Variants in ASAP1 observed in about 807,000 individuals in gnomAD.
ASAP1 encodes the protein ArfGAP with SH3 domain, ankyrin repeat and PH domain 1.
Under a neutral mutation model 145.2 loss-of-function variants are expected in ASAP1, and 43 were observed. The observed-to-expected ratio is 0.30, with a 90% confidence interval of 0.23 to 0.38. The LOEUF is 0.38. ASAP1 is among the 10% of genes least tolerant of loss of function. ASAP1 has a pLI of 1.00. For missense variants in ASAP1, 1,018 were observed against 1,355.3 expected (o/e 0.75, Z 3.91); for synonymous variants, 546 against 515.5 (o/e 1.06, Z -0.80).
At chr8:130,204,559 T>G (rs1391917078) in intron 5 of ASAP1, among the ~76,000 whole-genome samples, 1 of 152,156 alleles carries the variant, frequency 6.6e-6, no homozygotes, top group Non-Finnish European at 1.5e-5. Flanking sequence ...CTGCAGCTCC[T>G]GCTCCCTCCC....
intron 3 of ASAP1, among the ~76,000 whole-genome samples, chr8:130,263,597 G>T (rs369194714): frequency 2.0e-5 from 3 of 152,164 alleles, no homozygotes; most frequent in African/African-American, 7.2e-5. Context: ...CACTTAGGGA[G>T]CCTAACTGAA....
chr8:130,070,867 G>A (rs1592731722), intron 27 of ASAP1, among the ~76,000 whole-genome samples: 1 of 3,652 alleles, frequency 2.7e-4, no homozygotes, highest in South Asian at 0.012. Flanking sequence ...GGGAGAGAGG[G>A]AGAGAGAGGG....
At chr8:130,177,004 T>C (rs1035392150) in intron 9 of ASAP1, among the ~76,000 whole-genome samples, 14 of 152,190 alleles carry the variant, frequency 9.2e-5, no homozygotes, top group African/African-American at 3.4e-4. Flanking sequence ...CTCTTCCTCT[T>C]GATGCTCCAT....
intron 14 of ASAP1, among the ~76,000 whole-genome samples, chr8:130,135,344 C>T (rs1317674077): frequency 1.3e-5 from 2 of 151,972 alleles, no homozygotes; most frequent in Non-Finnish European, 2.9e-5. Flanking sequence ...AAAAATCAGC[C>T]AGATGTGGTG....
intron 20 of ASAP1, 65 bp downstream of exon 20, chr8:130,118,096 G>C (rs2097559334): frequency 7.2e-7 from 1 of 1,379,340 alleles, no homozygotes; most frequent in African/African-American, 1.4e-5. Flanking sequence ...GCCACTGATA[G>C]GACTGGTTTG....
chr8:130,240,734 A>G (rs1179068439), intron 3 of ASAP1, among the ~76,000 whole-genome samples: 1 of 152,186 alleles, frequency 6.6e-6, no homozygotes, highest in Non-Finnish European at 1.5e-5. Context: ...GCATTATTAC[A>G]TTCTCTTTAA....
rs375340242 is a variant in ASAP1, at chr8:130,063,814, G to T, written c.2702-2745C>A. Among the ~76,000 whole-genome samples, 5 of 152,292 alleles carry T rather than the reference G, an allele frequency of 3.3e-5. No homozygotes were observed. In the East Asian group the frequency reaches 5.8e-4, roughly 18 times the overall value. On this transcript the variant is annotated intron_variant, in intron 27 of 29. Coordinates refer to ENST00000518721, the MANE Select transcript of ASAP1 (RefSeq NM_018482.4). ...ATTTGCTGGGCATGTGCCGTGCCCAGCACCCTTTCAGGCACTTGGGACACA... is the reference window on the plus strand; with the variant it reads ...ATTTGCTGGGCATGTGCCGTGCCCATCACCCTTTCAGGCACTTGGGACACA...
chr8:130,154,510 T>C (rs1335922497), intron 12 of ASAP1, among the ~76,000 whole-genome samples: 2 of 152,190 alleles, frequency 1.3e-5, no homozygotes, highest in African/African-American at 4.8e-5. Flanking sequence ...AGTGATTCCC[T>C]AGGCTGGAAG....
At chr8:130,200,599 G>A (rs1815806198) in intron 5 of ASAP1, among the ~76,000 whole-genome samples, 1 of 152,118 alleles carries the variant, frequency 6.6e-6, no homozygotes, top group South Asian at 2.1e-4. Context: ...TGTTTAAACA[G>A]CAAAAAGTTT....
chr8:130,138,316 A>G (rs2097600121), intron 13 of ASAP1, among the ~76,000 whole-genome samples: 1 of 152,178 alleles, frequency 6.6e-6, no homozygotes. Context: ...CCTTTGTCCC[A>G]TATCTATCTA....
chr8:130,300,113 T>TACAC (rs373589102), intron 3 of ASAP1, among the ~76,000 whole-genome samples: 4,605 of 72,296 alleles, frequency 0.064, 153 homozygotes, highest in Non-Finnish European at 0.068. Context: ...AAAAGAAAAA[T>TACAC]ACACACACAC....
intron 2 of ASAP1, among the ~76,000 whole-genome samples, chr8:130,376,943 A>G (rs1827531189): frequency 7.1e-6 from 1 of 141,558 alleles, no homozygotes; most frequent in South Asian, 2.3e-4. Context: ...CTTGCTCTCC[A>G]GTTTCACATC....
intron 3 of ASAP1, among the ~76,000 whole-genome samples, chr8:130,265,603 G>A (rs1226183326): frequency 2.6e-5 from 4 of 151,138 alleles, no homozygotes; most frequent in Non-Finnish European, 5.9e-5. Context: ...GGTCAGGTTT[G>A]GCAGCTCACA....
chr8:130,079,831 A>C, intron 26 of ASAP1, 71 bp downstream of exon 26: 2 of 1,493,644 alleles, frequency 1.3e-6, no homozygotes, highest in Non-Finnish European at 1.9e-6. Flanking sequence ...ATTCATGAAA[A>C]CTCATTTCTA....
At chr8:130,272,864 G>C (rs1303738527) in intron 3 of ASAP1, among the ~76,000 whole-genome samples, 19 of 152,156 alleles carry the variant, frequency 1.2e-4, no homozygotes, top group Admixed American at 1.2e-3. Flanking sequence ...GAGAGAGAGA[G>C]AATAAAGAAT....
intron 3 of ASAP1, among the ~76,000 whole-genome samples, chr8:130,343,233 C>T (rs773105395): frequency 6.6e-5 from 10 of 152,112 alleles, no homozygotes; most frequent in Non-Finnish European, 1.3e-4. Context: ...GAATTTCAGA[C>T]AAGAGGCTGT....
At chr8:130,133,829 C>A (rs79920663) in intron 15 of ASAP1, among the ~76,000 whole-genome samples, 3 of 152,210 alleles carry the variant, frequency 2.0e-5, no homozygotes, top group Admixed American at 2.0e-4. Flanking sequence ...GCCTGGCTCA[C>A]CTGCTCCTCT....
intron 4 of ASAP1, among the ~76,000 whole-genome samples, chr8:130,220,838 AAGG>A (rs1471644939): frequency 6.6e-6 from 1 of 152,146 alleles, no homozygotes; most frequent in Non-Finnish European, 1.5e-5. Flanking sequence ...TGGTAACGGC[AAGG>A]AGAAGTATGA....
At chr8:130,396,539 GC>G (rs1276806394) in intron 2 of ASAP1, among the ~76,000 whole-genome samples, 9 of 152,190 alleles carry the variant, frequency 5.9e-5, no homozygotes, top group African/African-American at 2.2e-4. Context: ...AAGGATTTTC[GC>G]AGCAGAACTT....
Sources: gnomAD v4.1 joint callset for allele counts (sites outside exome capture counted in the v4.1 genomes callset) on GRCh38, gnomAD v4.1.1 for gene constraint, MANE v1.5 for transcripts, NCBI Gene and HGNC (gene_info 2026-07-23, HGNC 2026-07-21) for gene names.